HDAC9: variants seen among roughly 807,000 people sequenced by gnomAD.
The protein encoded by HDAC9 is histone deacetylase 9.
Under a neutral mutation model 139.4 loss-of-function variants are expected in HDAC9, and 41 were observed. The observed-to-expected ratio is 0.29, with a 90% CI of 0.23 to 0.38. The LOEUF (loss-of-function observed/expected upper bound fraction) is 0.38. HDAC9 is among the 10% of genes least tolerant of loss of function. HDAC9 has a pLI of 1.00. For missense variants in HDAC9, 1,147 were observed against 1,297.0 expected, an observed-to-expected ratio of 0.88 and a Z score of 1.78; for synonymous variants, 517 against 476.2, an observed-to-expected ratio of 1.09 and a Z score of -1.12.
At chr7:18,380,505 T>C (rs989265121) in intron 1 of HDAC9, among the ~76,000 whole-genome samples, 1 of 152,192 alleles carries the variant, frequency 6.6e-6, no homozygotes, top group African/African-American at 2.4e-5. Flanking sequence ...CAAGGGTATT[T>C]GGTGAAACAG....
intron 1 of HDAC9, among the ~76,000 whole-genome samples, chr7:18,151,598 C>G (rs147774826): frequency 8.5e-5 from 13 of 152,244 alleles, no homozygotes; most frequent in Non-Finnish European, 1.6e-4. Flanking sequence ...CTATATTGTA[C>G]TGTAATCATA....
intron 1 of HDAC9, among the ~76,000 whole-genome samples, chr7:18,416,078 G>T (rs573202389): frequency 6.6e-6 from 1 of 152,286 alleles, no homozygotes; most frequent in Admixed American, 6.5e-5. Context: ...CGGATCACCT[G>T]AGGTCAGGAG....
At chr7:18,231,190 G>C (rs938563033) in intron 2 of HDAC9, among the ~76,000 whole-genome samples, 4 of 152,206 alleles carry the variant, frequency 2.6e-5, no homozygotes, top group Admixed American at 1.3e-4. Flanking sequence ...AGAACAGTAA[G>C]GAACCAGTCT....
At chr7:18,301,225 A>G (rs1400170456) in intron 1 of HDAC9, among the ~76,000 whole-genome samples, 1 of 152,152 alleles carries the variant, frequency 6.6e-6, no homozygotes, top group Non-Finnish European at 1.5e-5. Context: ...GCTTCTCAAT[A>G]TAAGCATCAG....
intron 13 of HDAC9, among the ~76,000 whole-genome samples, chr7:18,736,962 A>G (rs1314020602): frequency 2.0e-5 from 3 of 151,938 alleles, no homozygotes; most frequent in African/African-American, 7.2e-5. Context: ...TTTAGTCTTG[A>G]GAAGGTTTAT....
chr7:18,525,639 A>G (rs906599522), intron 2 of HDAC9, among the ~76,000 whole-genome samples: 1 of 152,044 alleles, frequency 6.6e-6, no homozygotes, highest in African/African-American at 2.4e-5. Flanking sequence ...TTTCATATAT[A>G]CTGTATTGTG....
At chr7:18,816,962 A>G (rs370799294) in intron 17 of HDAC9, among the ~76,000 whole-genome samples, 6 of 152,148 alleles carry the variant, frequency 3.9e-5, no homozygotes, top group African/African-American at 1.4e-4. Context: ...TTTGGGCCCT[A>G]TTCAACTTTA....
chr7:18,257,294 GGAGGTC>G, intron 2 of HDAC9, among the ~76,000 whole-genome samples: 1 of 121,866 alleles, frequency 8.2e-6, no homozygotes, highest in South Asian at 2.8e-4. Flanking sequence ...CTCAGGAGGT[GGAGGTC>G]GCAATAAGCT....
chr7:18,256,112 C>G (rs1415201016), intron 2 of HDAC9, among the ~76,000 whole-genome samples: 1 of 152,000 alleles, frequency 6.6e-6, no homozygotes, highest in Non-Finnish European at 1.5e-5. Context: ...TTCGTTTGCC[C>G]CCGTTTTTAG....
chr7:18,935,659 TA>T (rs987524018), intron 22 of HDAC9, 149 bp from the exon 23 acceptor site: 11 of 689,338 alleles, frequency 1.6e-5, no homozygotes, highest in Admixed American at 2.6e-5. Flanking sequence ...TAATAGGACC[TA>T]ATCCATAAAG....
At chr7:18,990,314 G>A (rs959076526) in intron 25 of HDAC9, among the ~76,000 whole-genome samples, 1 of 152,076 alleles carries the variant, frequency 6.6e-6, no homozygotes, top group Non-Finnish European at 1.5e-5. Context: ...GCCATGTGAG[G>A]TGTCAGTGTG....
At chr7:18,766,321 A>C (rs115928245) in intron 15 of HDAC9, among the ~76,000 whole-genome samples, 2,487 of 152,308 alleles carry the variant, frequency 0.016, 74 homozygotes, top group African/African-American at 0.056. Context: ...GTTTTTCTCT[A>C]TTCATGTAGT....
At chr7:18,238,589 A>G (rs560740572) in intron 2 of HDAC9, among the ~76,000 whole-genome samples, 5 of 152,326 alleles carry the variant, frequency 3.3e-5, no homozygotes, top group Non-Finnish European at 5.9e-5. Flanking sequence ...TGACATTGCT[A>G]TAAGGCGTTA....
chr7:18,706,648 G>A (rs571041051), intron 12 of HDAC9, among the ~76,000 whole-genome samples: 2 of 152,336 alleles, frequency 1.3e-5, no homozygotes, highest in South Asian at 2.1e-4. Flanking sequence ...ATCTAGTCAT[G>A]TCTAGAGACA....
At chr7:18,604,642 G>A (rs749218888) in intron 6 of HDAC9, among the ~76,000 whole-genome samples, 16 of 151,826 alleles carry the variant, frequency 1.1e-4, no homozygotes, top group Admixed American at 2.6e-4. Flanking sequence ...CTCATGATCC[G>A]CCTGTCTCGG....
At chr7:18,626,657 G>A (rs1252114080) in intron 6 of HDAC9, among the ~76,000 whole-genome samples, 1 of 152,116 alleles carries the variant, frequency 6.6e-6, no homozygotes, top group African/African-American at 2.4e-5. Flanking sequence ...CTAAAACCCA[G>A]TTCTCATTCC....
At chr7:18,716,105 C>T (rs147569791) in intron 12 of HDAC9, among the ~76,000 whole-genome samples, 249 of 152,306 alleles carry the variant, frequency 1.6e-3, no homozygotes, top group Non-Finnish European at 2.4e-3. Context: ...CTTATTCAAA[C>T]GAAACCTCTT....
chr7:18,625,744 A>T (rs895206438), intron 6 of HDAC9, among the ~76,000 whole-genome samples: 1 of 152,026 alleles, frequency 6.6e-6, no homozygotes, highest in Non-Finnish European at 1.5e-5. Context: ...CAGGAGTTCG[A>T]GACCATCCTG....
intron 1 of HDAC9, among the ~76,000 whole-genome samples, chr7:18,127,709 T>G (rs572531086): frequency 1.3e-5 from 2 of 152,108 alleles, no homozygotes; most frequent in Non-Finnish European, 2.9e-5. Context: ...AGGCCAAAAT[T>G]TTTAGACCCT....
Sources: allele counts gnomAD v4.1 joint callset (sites outside exome capture counted in the v4.1 genomes callset), GRCh38; gene constraint gnomAD v4.1.1; transcripts MANE v1.5; gene names NCBI Gene and HGNC (gene_info 2026-07-23, HGNC 2026-07-21).